The following ANKS1B variants were observed in gnomAD, a reference collection of about 807,000 sequenced individuals.
ANKS1B encodes ankyrin repeat and sterile alpha motif domain-containing protein 1B.
Under a neutral mutation model 148.3 loss-of-function variants are expected in ANKS1B, and 36 were observed. The ratio of observed to expected loss-of-function variants is 0.24; its 90% CI spans 0.19 to 0.32. ANKS1B has a LOEUF of 0.32. Ranked by LOEUF, ANKS1B falls within the 10% of genes least tolerant of loss-of-function variation. The probability of loss-of-function intolerance (pLI) is 1.00; values close to 1 mark genes in which losing one functional copy is unlikely to be tolerated. For synonymous variants in ANKS1B, 542 were observed against 560.8 expected (o/e 0.97, Z 0.47); for missense variants, 1,157 against 1,542.6 (o/e 0.75, Z 4.19).
chr12:99,487,769 A>G (rs2096511983), intron 10 of ANKS1B, among the ~76,000 whole-genome samples: 3 of 152,228 alleles, frequency 2.0e-5, no homozygotes, highest in South Asian at 2.1e-4. Context: ...TCAGGGTTTT[A>G]TGTGTGCTTG....
chr12:99,040,133 G>A (rs1412051132), intron 17 of ANKS1B, among the ~76,000 whole-genome samples: 1 of 152,160 alleles, frequency 6.6e-6, no homozygotes. Flanking sequence ...CCATAATGAA[G>A]TAGGTCTGGC....
At chr12:99,620,631 G>A (rs959902768) in intron 9 of ANKS1B, among the ~76,000 whole-genome samples, 1 of 152,070 alleles carries the variant, frequency 6.6e-6, no homozygotes, top group Non-Finnish European at 1.5e-5. Flanking sequence ...TTCACCAATT[G>A]ACTCGACCAA....
chr12:99,004,382 G>C (rs1023270463), intron 17 of ANKS1B, among the ~76,000 whole-genome samples: 2 of 152,212 alleles, frequency 1.3e-5, no homozygotes, highest in Admixed American at 6.5e-5. Context: ...AGGGTTGTTT[G>C]AAAGACTAAA....
intron 9 of ANKS1B, among the ~76,000 whole-genome samples, chr12:99,604,449 A>G (rs946348351): frequency 1.3e-5 from 2 of 152,234 alleles, no homozygotes; most frequent in Non-Finnish European, 2.9e-5. Context: ...GAACTTTGTC[A>G]AAAATGTCAA....
chr12:99,336,948 C>A (rs370897941), intron 12 of ANKS1B, among the ~76,000 whole-genome samples: 32 of 151,984 alleles, frequency 2.1e-4, no homozygotes, highest in African/African-American at 7.2e-4. Flanking sequence ...TTACATTTGG[C>A]CTTTGGGAGT....
chr12:98,769,871 G>C (rs1294544156), intron 25 of ANKS1B, among the ~76,000 whole-genome samples: 1 of 152,140 alleles, frequency 6.6e-6, no homozygotes, highest in African/African-American at 2.4e-5. Flanking sequence ...ATGCAAACAC[G>C]GTCTAGAGGC....
chr12:99,936,916 T>G (rs541297860), intron 1 of ANKS1B, among the ~76,000 whole-genome samples: 1 of 152,202 alleles, frequency 6.6e-6, no homozygotes, highest in East Asian at 1.9e-4. Flanking sequence ...ACTGAATGAC[T>G]ATAGATTTTT....
intron 14 of ANKS1B, among the ~76,000 whole-genome samples, chr12:99,212,182 T>A (rs144932274): frequency 2.0e-5 from 3 of 152,214 alleles, no homozygotes; most frequent in Non-Finnish European, 4.4e-5. Flanking sequence ...GTATCACTCC[T>A]TTGGCCCCAA....
chr12:99,679,271 T>G (rs900385233), intron 8 of ANKS1B, among the ~76,000 whole-genome samples: 1 of 152,196 alleles, frequency 6.6e-6, no homozygotes, highest in Non-Finnish European at 1.5e-5. Context: ...AAATGGCACG[T>G]ATTTAAAGAT....
At chr12:99,522,444 TAAGTA>T (rs1185292703) in intron 9 of ANKS1B, among the ~76,000 whole-genome samples, 3 of 152,212 alleles carry the variant, frequency 2.0e-5, no homozygotes, top group Non-Finnish European at 4.4e-5. Context: ...CAGCACTTAA[TAAGTA>T]AAGAGAACAT....
At position 98,949,233 on chromosome 12, in the gene ANKS1B, C is replaced by T. The variant is rs142721003; in HGVS notation, c.2778+103924G>A. Among the ~76,000 whole-genome samples, 99 of 151,872 alleles carry T rather than the reference C, an allele frequency of 6.5e-4. 1 individual carries two copies. The highest frequency in any genetic ancestry group is 1.1e-3 in the Non-Finnish European group (74 of 67,918). ...TCCCAAAGTGCTGGGATTACAGGCA[C>T]GAGCCACCGCACACGGCCAGGTATG... is the stretch of plus-strand genomic sequence containing the variant. On this transcript the variant is annotated intron_variant, in intron 17 of 26. Transcript: ENST00000683438.
chr12:99,306,352 C>T (rs1340697997), intron 12 of ANKS1B, among the ~76,000 whole-genome samples: 1 of 152,040 alleles, frequency 6.6e-6, no homozygotes, highest in Non-Finnish European at 1.5e-5. Context: ...TCTGTTGTAA[C>T]CCCTAGCAAA....
intron 12 of ANKS1B, among the ~76,000 whole-genome samples, chr12:99,333,064 C>A (rs1416260308): frequency 6.6e-6 from 1 of 152,000 alleles, no homozygotes; most frequent in Non-Finnish European, 1.5e-5. Flanking sequence ...AAACATCACT[C>A]TGGAGGATGT....
In ANKS1B at chr12:98,847,307, T is replaced by A. The variant is rs115671311; in HGVS notation, c.2779-15171A>T. Among the ~76,000 whole-genome samples, 219 of 152,334 alleles carry A rather than the reference T, an allele frequency of 1.4e-3. 1 individual carries two copies. The highest frequency in any genetic ancestry group is 5.1e-3 in the African/African-American group (213 of 41,578). On this transcript the variant is annotated intron_variant, in intron 17 of 26. Coordinates refer to ENST00000683438, the MANE Select transcript of ANKS1B (RefSeq NM_001352186.2). ...CCCTGGTAACCACCATTCTACTGCC[T>A]GCTTTTACGGGTTTAGCTATATTAG...
At chr12:99,784,230 G>T (rs1295540392) in intron 4 of ANKS1B, among the ~76,000 whole-genome samples, 1 of 148,178 alleles carries the variant, frequency 6.7e-6, no homozygotes, top group African/African-American at 2.5e-5. Context: ...GGAGTGCAGT[G>T]GCACGATCTC....
Position 99,251,861 on chromosome 12 carries a change from CTG to C in ANKS1B, c.1757-4999_1757-4998del, listed in dbSNP as rs1366618318. Among the ~76,000 whole-genome samples the C allele has an allele frequency of 3.9e-5, 6 of 152,166 alleles. No homozygotes were observed. In the South Asian group the frequency reaches 1.2e-3, roughly 32 times the overall value. On this transcript the variant is annotated intron_variant, in intron 12 of 26. Coordinates refer to ENST00000683438, the MANE Select transcript of ANKS1B (RefSeq NM_001352186.2). Reference sequence around the variant, plus strand: ...GGGCTGATGTTGATATTAGTAGAAACTGTGAATTTATTTCACAAATATGTATA... The same window carrying C: ...GGGCTGATGTTGATATTAGTAGAAACTGAATTTATTTCACAAATATGTATA...
intron 17 of ANKS1B, among the ~76,000 whole-genome samples, chr12:98,998,929 C>G (rs1251050841): frequency 6.6e-6 from 1 of 152,198 alleles, no homozygotes. Flanking sequence ...CTACACTTTA[C>G]TATTGCTAAA....
chr12:99,032,587 T>C (rs935904368), intron 17 of ANKS1B, among the ~76,000 whole-genome samples: 2 of 152,206 alleles, frequency 1.3e-5, no homozygotes, highest in Non-Finnish European at 2.9e-5. Context: ...GATGATCTGA[T>C]CTTGGATCCT....
chr12:99,637,271 C>T (rs1032445022), intron 9 of ANKS1B, among the ~76,000 whole-genome samples: 1 of 152,190 alleles, frequency 6.6e-6, no homozygotes, highest in Non-Finnish European at 1.5e-5. Flanking sequence ...TGCCACTGCA[C>T]TCCAGCTTGG....
Sources: gnomAD v4.1 joint callset for allele counts (sites outside exome capture counted in the v4.1 genomes callset) on GRCh38, gnomAD v4.1.1 for gene constraint, MANE v1.5 for transcripts, NCBI Gene and HGNC (gene_info 2026-07-23, HGNC 2026-07-21) for gene names.